The following ERC2 variants were observed in gnomAD, a reference collection of about 807,000 sequenced individuals.
ERC2 encodes ELKS/RAB6-interacting/CAST family member 2.
In ERC2, 42 loss-of-function variants were observed where a neutral mutation model predicts 114.8. That is an observed-to-expected ratio of 0.37 (90% CI 0.29 to 0.47). The LOEUF is 0.47. Among genes scored for constraint, ERC2 ranks in the 20% least tolerant of loss-of-function variants. ERC2 has a pLI of 0.99. For missense variants in ERC2, 939 were observed against 1,150.7 expected (o/e 0.82, Z 2.66); for synonymous variants, 454 against 425.5 (o/e 1.07, Z -0.82).
intron 3 of ERC2, among the ~76,000 whole-genome samples, chr3:56,204,266 T>C (rs2048574446): frequency 6.6e-6 from 1 of 152,102 alleles, no homozygotes; most frequent in Non-Finnish European, 1.5e-5. Context: ...CAGGGGTTGT[T>C]TGTCTTGCTC....
intron 15 of ERC2, among the ~76,000 whole-genome samples, chr3:55,707,381 A>G (rs2063547068): frequency 6.6e-6 from 1 of 152,186 alleles, no homozygotes; most frequent in Non-Finnish European, 1.5e-5. Context: ...TGAGGCTGCA[A>G]TAAGCTGTGA....
intron 2 of ERC2, among the ~76,000 whole-genome samples, chr3:56,321,807 TC>T (rs1304826923): frequency 6.6e-6 from 1 of 152,224 alleles, no homozygotes; most frequent in African/African-American, 2.4e-5. Context: ...AAGGGATACT[TC>T]AGGCCTGGTC....
chr3:55,662,885 A>C (rs1184079123), intron 17 of ERC2, among the ~76,000 whole-genome samples: 1 of 152,228 alleles, frequency 6.6e-6, no homozygotes. Context: ...GCTACAGTAG[A>C]GCCAAGTCCT....
At chr3:56,414,380 G>A (rs2061062162) in intron 2 of ERC2, among the ~76,000 whole-genome samples, 3 of 152,018 alleles carry the variant, frequency 2.0e-5, no homozygotes, top group African/African-American at 7.3e-5. Context: ...CCATTTTCTG[G>A]TTCTGTGGGG....
chr3:55,855,201 T>G (rs1276638126), intron 14 of ERC2, among the ~76,000 whole-genome samples: 1 of 152,264 alleles, frequency 6.6e-6, no homozygotes, highest in Non-Finnish European at 1.5e-5. Flanking sequence ...ATCTCAGAGG[T>G]GTAAACCATA....
At chr3:56,330,073 C>T (rs2057540041) in intron 2 of ERC2, among the ~76,000 whole-genome samples, 2 of 151,964 alleles carry the variant, frequency 1.3e-5, no homozygotes, top group Non-Finnish European at 2.9e-5. Context: ...CTCTCTGTCA[C>T]CCAGGCTAAA....
intron 6 of ERC2, among the ~76,000 whole-genome samples, chr3:56,091,627 G>A (rs1333719355): frequency 6.6e-6 from 1 of 152,128 alleles, no homozygotes; most frequent in African/African-American, 2.4e-5. Context: ...CTCCTGTTTC[G>A]ATGCAGCTCT....
intron 17 of ERC2, among the ~76,000 whole-genome samples, chr3:55,569,418 G>T (rs1053186815): frequency 2.6e-5 from 4 of 152,202 alleles, no homozygotes; most frequent in Non-Finnish European, 5.9e-5. Context: ...CGAAGGGGCA[G>T]GGAAGAGGCA....
chr3:56,126,807 GAAGGA>G (rs772412464), intron 6 of ERC2, among the ~76,000 whole-genome samples: 4,515 of 107,422 alleles, frequency 0.042, 94 homozygotes, highest in Middle Eastern at 0.053. Context: ...AAAGGAAAGG[GAAGGA>G]AAGGAAAGGA....
At chr3:55,837,887 C>A (rs1449066266) in intron 14 of ERC2, among the ~76,000 whole-genome samples, 3 of 150,374 alleles carry the variant, frequency 2.0e-5, no homozygotes, top group Non-Finnish European at 4.4e-5. Context: ...ATATACCATA[C>A]AAAAACTAAA....
chr3:55,583,382 CTTT>C (rs1559691919), intron 17 of ERC2, among the ~76,000 whole-genome samples: 77 of 131,592 alleles, frequency 5.9e-4, no homozygotes, highest in African/African-American at 1.9e-3. Context: ...TTCTTTCCTT[CTTT>C]CTTTCCTTCC....
At chr3:55,628,132 C>A (rs1047760797) in intron 17 of ERC2, among the ~76,000 whole-genome samples, 21 of 69,652 alleles carry the variant, frequency 3.0e-4, no homozygotes, top group Admixed American at 2.7e-3. Context: ...CCCAAGGAAG[C>A]ATTTTGTATC....
chr3:56,060,408 G>A (rs78191065), intron 7 of ERC2, among the ~76,000 whole-genome samples: 1,577 of 152,266 alleles, frequency 0.01, 18 homozygotes, highest in African/African-American at 0.036. Context: ...TTGTCATTAG[G>A]ATTAAAAGAA....
At chr3:56,011,824 GATAA>G (rs1296036504) in intron 8 of ERC2, among the ~76,000 whole-genome samples, 1 of 152,058 alleles carries the variant, frequency 6.6e-6, no homozygotes. Flanking sequence ...GACAATGCCT[GATAA>G]ATAAGACAAC....
chr3:55,894,916 A>C (rs2063771525), intron 13 of ERC2, among the ~76,000 whole-genome samples: 1 of 152,212 alleles, frequency 6.6e-6, no homozygotes, highest in South Asian at 2.1e-4. Context: ...GTAATTATTC[A>C]GCCTATCTAT....
chr3:55,917,679 C>G (rs2149376661), intron 13 of ERC2, among the ~76,000 whole-genome samples: 1 of 152,206 alleles, frequency 6.6e-6, no homozygotes, highest in East Asian at 1.9e-4. Context: ...GTTATAGGTA[C>G]AGAGTTTCCT....
chr3:56,095,215 G>T (rs893760225), intron 6 of ERC2, among the ~76,000 whole-genome samples: 5 of 152,274 alleles, frequency 3.3e-5, no homozygotes, highest in Middle Eastern at 3.4e-3. Flanking sequence ...ATGCAACAGA[G>T]TAGGACATGG....
intron 14 of ERC2, among the ~76,000 whole-genome samples, chr3:55,756,577 T>TTTTG (rs984323596): frequency 6.6e-6 from 1 of 152,204 alleles, no homozygotes; most frequent in Non-Finnish European, 1.5e-5. Flanking sequence ...AAGTATGACA[T>TTTTG]GTCAAAGGCT....
chr3:55,743,593 C>CAAAAAAAAAAAAAAA (rs367859231), intron 14 of ERC2, among the ~76,000 whole-genome samples: 10 of 97,110 alleles, frequency 1.0e-4, no homozygotes, highest in South Asian at 4.0e-4. Context: ...CCTGATCCAC[C>CAAAAAAAAAAAAAAA]AAAAAAAAAA....
Sources: gnomAD v4.1 joint callset for allele counts (sites outside exome capture counted in the v4.1 genomes callset) on GRCh38, gnomAD v4.1.1 for gene constraint, MANE v1.5 for transcripts, NCBI Gene and HGNC (gene_info 2026-07-23, HGNC 2026-07-21) for gene names.